KSR2: variants seen among roughly 807,000 people sequenced by gnomAD.
The protein encoded by KSR2 is kinase suppressor of ras 2.
KSR2 carries 25 observed loss-of-function variants against 107.8 expected under a neutral mutation model. That is an observed-to-expected ratio of 0.23 (90% CI 0.17 to 0.32). The LOEUF (loss-of-function observed/expected upper bound fraction) is 0.32. Among genes scored for constraint, KSR2 ranks in the 10% least tolerant of loss-of-function variants. The pLI, the probability that KSR2 is intolerant of heterozygous loss-of-function variation, is 1.00. For synonymous variants in KSR2, 480 were observed against 507.0 expected (o/e 0.95, Z 0.71); for missense variants, 887 against 1,268.9 (o/e 0.70, Z 4.57).
intron 14 of KSR2, among the ~76,000 whole-genome samples, chr12:117,515,921 G>C (rs180896586): frequency 2.0e-5 from 3 of 152,288 alleles, no homozygotes; most frequent in Admixed American, 6.5e-5. Flanking sequence ...CCAAGACCTT[G>C]TTTCAAAAAT....
intron 5 of KSR2, among the ~76,000 whole-genome samples, chr12:117,631,334 A>G (rs1163912004): frequency 6.6e-6 from 1 of 152,174 alleles, no homozygotes; most frequent in Non-Finnish European, 1.5e-5. Context: ...TTGTTGAGTG[A>G]TTAAATGACT....
At chr12:117,772,236 G>A (rs1182686314) in intron 3 of KSR2, among the ~76,000 whole-genome samples, 26 of 37,064 alleles carry the variant, frequency 7.0e-4, no homozygotes, top group Admixed American at 1.4e-3. Flanking sequence ...TCCCCCAGAC[G>A]CACAAACACT....
Position 117,524,838 on chromosome 12 carries a change from C to A in KSR2, c.2219+14G>T, listed in dbSNP as rs1302018275. ...TTTTGCCAATCCCTGGGTAGAAGCC[C>A]AGGTGGAACTGACCTGGTGATGATG... is the stretch of plus-strand genomic sequence containing the variant. On this transcript the variant is annotated intron_variant, in intron 14 of 19. Transcript: ENST00000339824. The A allele has an allele frequency of 1.8e-5, 28 of 1,589,578 alleles. No individual in the cohort carries two copies. Among genetic ancestry groups the A allele is most frequent in the Non-Finnish European group, 2.2e-5 (26 of 1,169,870 alleles).
intron 3 of KSR2, among the ~76,000 whole-genome samples, chr12:117,840,223 G>T (rs1404261493): frequency 6.6e-6 from 1 of 151,842 alleles, no homozygotes; most frequent in African/African-American, 2.4e-5. Flanking sequence ...TCGACGCTCT[G>T]AGTAGCTGGA....
At chr12:117,962,908 G>A (rs67325037) in intron 1 of KSR2, among the ~76,000 whole-genome samples, 13,780 of 149,526 alleles carry the variant, frequency 0.092, 702 homozygotes, top group African/African-American at 0.13. Flanking sequence ...CACCAGGCCC[G>A]GCTTGATGGC....
chr12:117,484,345 T>C, intron 16 of KSR2, 71 bp downstream of exon 16: 1 of 1,570,410 alleles, frequency 6.4e-7, no homozygotes. Flanking sequence ...ACTAAAGCCA[T>C]TTGGACTAAC....
chr12:117,835,055 G>C (rs1239002918), intron 3 of KSR2, among the ~76,000 whole-genome samples: 1 of 152,088 alleles, frequency 6.6e-6, no homozygotes. Flanking sequence ...AGGGAAAAAG[G>C]GGCTTATGGG....
rs534794871 is a variant in KSR2, at chr12:117,907,131, C to T, written c.181-46700G>A. Among the ~76,000 whole-genome samples, 2 of 152,194 alleles carry T rather than the reference C, an allele frequency of 1.3e-5. No individual in the cohort carries two copies. The highest frequency in any genetic ancestry group is 2.4e-5 in the African/African-American group (1 of 41,444). ...GCCCTTCAACAATTCTATTATCCCC[C>T]CTTTGGATAGATGGGGAAGCTGAAG... On this transcript the variant is annotated intron_variant, in intron 1 of 19. Transcript: ENST00000339824. This position sits in a 1 kb window ranked among gnomAD's most constrained non-coding sequence, Gnocchi z 4.3.
chr12:117,750,249 TAAAAAAAAAAA>T (rs34642697), intron 4 of KSR2, among the ~76,000 whole-genome samples: 1 of 122,272 alleles, frequency 8.2e-6, no homozygotes. Context: ...GACTCTGTCT[TAAAAAAAAAAA>T]AAAAAAAAAG....
At chr12:117,935,905 C>T (rs1261086031) in intron 1 of KSR2, among the ~76,000 whole-genome samples, 4 of 152,212 alleles carry the variant, frequency 2.6e-5, no homozygotes, top group African/African-American at 7.2e-5. Context: ...CAGAGGTCCC[C>T]GGGATCACTC....
intron 17 of KSR2, among the ~76,000 whole-genome samples, chr12:117,475,575 C>T (rs1164522337): frequency 6.6e-6 from 1 of 152,200 alleles, no homozygotes; most frequent in South Asian, 2.1e-4. Flanking sequence ...TTTATTCCCA[C>T]AGTCCTGTGT....
At chr12:117,966,577 G>A (rs1896792530) in intron 1 of KSR2, among the ~76,000 whole-genome samples, 3 of 151,262 alleles carry the variant, frequency 2.0e-5, no homozygotes, top group Admixed American at 6.6e-5. Context: ...ATGCATCCTA[G>A]GGTAGCAAAC....
chr12:117,512,561 GC>G (rs1874094699), intron 14 of KSR2, among the ~76,000 whole-genome samples: 2 of 152,086 alleles, frequency 1.3e-5, no homozygotes, highest in South Asian at 4.2e-4. Context: ...ATTTTCAAAA[GC>G]CCTCCATAAG....
In KSR2 at chr12:117,464,902, T is replaced by C. The variant is rs1034105012; in HGVS notation, c.*2297A>G. 1 of 152,406 alleles carries C rather than the reference T, an allele frequency of 6.6e-6. No individual in the cohort carries two copies. Among genetic ancestry groups the C allele is most frequent in the South Asian group, 2.1e-4 (1 of 4,826 alleles). The allele number at this position is 152,406 out of a possible 1,614,324, so 9.4% of individuals were successfully genotyped here. A position where few individuals can be genotyped will look rare whatever the true frequency, so the allele number is the denominator to read the frequency against. On this transcript the variant is annotated 3_prime_UTR_variant, in exon 20 of 20. Coordinates refer to ENST00000339824, the MANE Select transcript of KSR2 (RefSeq NM_173598.6). ...TGGAAAAATCAGCTGTTGGAGATCA[T>C]GCTAGGCCTTGCCAAAGGCTGTGGT...
chr12:117,614,719 T>C, intron 5 of KSR2, among the ~76,000 whole-genome samples: 1 of 152,226 alleles, frequency 6.6e-6, no homozygotes. Context: ...GAATCAACAT[T>C]ACAGGACTGC....
chr12:117,471,383 A>G, intron 17 of KSR2, 63 bp from the exon 18 acceptor site: 1 of 1,555,976 alleles, frequency 6.4e-7, no homozygotes, highest in South Asian at 1.2e-5. Flanking sequence ...TTGTACCTCC[A>G]TTATTAGCAC....
At chr12:117,873,461 C>CTTTT (rs546188012) in intron 1 of KSR2, among the ~76,000 whole-genome samples, 2,087 of 119,442 alleles carry the variant, frequency 0.017, 82 homozygotes, top group Middle Eastern at 0.057. Flanking sequence ...GTTCATGGTG[C>CTTTT]TTTTTTTTTT....
intron 4 of KSR2, among the ~76,000 whole-genome samples, chr12:117,756,751 A>G (rs1385305797): frequency 6.6e-6 from 1 of 152,196 alleles, no homozygotes; most frequent in East Asian, 1.9e-4. Context: ...ATCTGGGAAA[A>G]GTAAAATAAA....
chr12:117,614,310 T>C lies in KSR2; in HGVS notation c.1172-31951A>G, dbSNP rs760221410. Among the ~76,000 whole-genome samples, 16 of 152,316 alleles carry C rather than the reference T, an allele frequency of 1.1e-4. No homozygotes were observed. The Middle Eastern group carries it at 0.031, about 291-fold the overall frequency. ...CCTTTTTACTTTATATAATTGTGTA[T>C]TGTTTTAATTTGTTGCAATAAGCAT... On this transcript the variant is annotated intron_variant, in intron 5 of 19. Coordinates refer to ENST00000339824, the MANE Select transcript of KSR2 (RefSeq NM_173598.6).
Sources: allele counts gnomAD v4.1 joint callset (sites outside exome capture counted in the v4.1 genomes callset), GRCh38; gene constraint gnomAD v4.1.1; non-coding constraint Gnocchi (gnomAD v3.1); transcripts MANE v1.5; gene names NCBI Gene and HGNC (gene_info 2026-07-23, HGNC 2026-07-21).